OSBP2: variants seen among roughly 807,000 people sequenced by gnomAD.
The protein encoded by OSBP2 is oxysterol-binding protein 2.
OSBP2 carries 66 observed loss-of-function variants against 96.0 expected under a neutral mutation model. That is an observed-to-expected ratio of 0.69 (90% CI 0.56 to 0.84). The LOEUF (loss-of-function observed/expected upper bound fraction) is 0.84. Among genes scored for constraint, OSBP2 ranks in the 40% least tolerant of loss-of-function variants. The pLI, the probability that OSBP2 is intolerant of heterozygous loss-of-function variation, is 0.00. For synonymous variants in OSBP2, 525 were observed against 520.9 expected, an observed-to-expected ratio of 1.01 and a Z score of -0.11; for missense variants, 1,038 against 1,222.7, an observed-to-expected ratio of 0.85 and a Z score of 2.25.
chr22:30,885,934 C>T (rs1186241195), intron 3 of OSBP2, among the ~76,000 whole-genome samples: 3 of 152,190 alleles, frequency 2.0e-5, no homozygotes, highest in Non-Finnish European at 4.4e-5. Flanking sequence ...GCCAGGGTTC[C>T]CACATCCCCA....
chr22:30,898,908 AAAAC>A (rs1321009278), intron 12 of OSBP2, among the ~76,000 whole-genome samples: 1 of 151,250 alleles, frequency 6.6e-6, no homozygotes, highest in Non-Finnish European at 1.5e-5. Flanking sequence ...ATCAATTAAA[AAAAC>A]AAAGCCAAAA....
intron 2 of OSBP2, among the ~76,000 whole-genome samples, chr22:30,847,248 A>G (rs1282143580): frequency 6.7e-6 from 1 of 149,310 alleles, no homozygotes; most frequent in African/African-American, 2.5e-5. Context: ...AAAGTGCTGG[A>G]ATTACAGGCC....
chr22:30,709,338 T>G (rs1024144411), intron 1 of OSBP2, among the ~76,000 whole-genome samples: 3 of 152,140 alleles, frequency 2.0e-5, no homozygotes, highest in African/African-American at 7.2e-5. Context: ...TGGCATTTTC[T>G]TGGTGTAGGT....
At chr22:30,733,362 G>A (rs2089807731) in intron 1 of OSBP2, among the ~76,000 whole-genome samples, 1 of 152,190 alleles carries the variant, frequency 6.6e-6, no homozygotes, top group Admixed American at 6.5e-5. Flanking sequence ...GGACTTCTCT[G>A]GAAGGTTTGC....
intron 2 of OSBP2, among the ~76,000 whole-genome samples, chr22:30,786,545 A>C: frequency 6.6e-6 from 1 of 151,986 alleles, no homozygotes; most frequent in African/African-American, 2.4e-5. Context: ...CCCAGTTTTG[A>C]GGGTCGGGAA....
intron 2 of OSBP2, among the ~76,000 whole-genome samples, chr22:30,866,964 C>T (rs2039352675): frequency 6.6e-6 from 1 of 152,188 alleles, no homozygotes. Context: ...GGGTGAGGCC[C>T]ACCCCCTTGT....
Position 30,884,094 on chromosome 22 carries a change from C to G in OSBP2, c.1108-3332C>G, listed in dbSNP as rs5997799. On this transcript the variant is annotated intron_variant, in intron 3 of 13. Coordinates refer to ENST00000332585, the MANE Select transcript of OSBP2 (RefSeq NM_030758.4). ...TGTATGATGGACAGTGACTGCAGTC[C>G]CACACCCAAGGGACAGCCTTATAAG... 6.7e-3 allele frequency among the ~76,000 whole-genome samples: 1,021 copies of G among 152,272 alleles called. 3 individuals are homozygous for G. Among genetic ancestry groups the G allele is most frequent in the Middle Eastern group, 0.014 (4 of 294 alleles).
intron 2 of OSBP2, among the ~76,000 whole-genome samples, chr22:30,852,797 T>C (rs1475055824): frequency 1.3e-5 from 2 of 152,206 alleles, no homozygotes; most frequent in African/African-American, 4.8e-5. Context: ...GGCACTACCT[T>C]AGCTTCATTC....
chr22:30,888,096 C>T, intron 4 of OSBP2, 127 bp from the exon 5 acceptor site: 1 of 701,876 alleles, frequency 1.4e-6, no homozygotes, highest in Non-Finnish European at 2.6e-6. Flanking sequence ...TCAGGGCTGC[C>T]CAGGTGACTG....
chr22:30,840,823 T>TA (rs1242424497), intron 2 of OSBP2, among the ~76,000 whole-genome samples: 1 of 152,008 alleles, frequency 6.6e-6, no homozygotes, highest in Non-Finnish European at 1.5e-5. Flanking sequence ...TTTTTTTTTT[T>TA]AACAGCTTTC....
chr22:30,760,467 G>T (rs1234498584), intron 2 of OSBP2, among the ~76,000 whole-genome samples: 1 of 152,168 alleles, frequency 6.6e-6, no homozygotes, highest in East Asian at 1.9e-4. Flanking sequence ...TGGATTTCAT[G>T]CTAGGAGTGC....
chr22:30,693,997 A>C, upstream of OSBP2: 2 of 1,444,682 alleles, frequency 1.4e-6, no homozygotes, highest in South Asian at 2.6e-5. Context: ...GGAAAAAAAA[A>C]TTCGCTGATG....
intron 2 of OSBP2, among the ~76,000 whole-genome samples, chr22:30,808,945 C>T (rs1398548293): frequency 1.3e-5 from 2 of 151,970 alleles, no homozygotes; most frequent in African/African-American, 2.4e-5. Context: ...CAGAGCGAGA[C>T]TCCGTCTCAA....
intron 3 of OSBP2, among the ~76,000 whole-genome samples, chr22:30,885,339 C>A (rs1282137652): frequency 2.0e-5 from 3 of 152,126 alleles, no homozygotes; most frequent in Non-Finnish European, 2.9e-5. Flanking sequence ...AAGGGCAAAT[C>A]CAGAGGTTCC....
intron 2 of OSBP2, among the ~76,000 whole-genome samples, chr22:30,822,019 C>G (rs1275992956): frequency 6.6e-6 from 1 of 152,220 alleles, no homozygotes; most frequent in Non-Finnish European, 1.5e-5. Flanking sequence ...TAAGGGAGCC[C>G]AGCTCCCCGG....
upstream of OSBP2, among the ~76,000 whole-genome samples, chr22:30,694,630 T>A (rs368086078): frequency 0.012 from 4 of 336 alleles, no homozygotes; most frequent in Non-Finnish European, 0.022. Flanking sequence ...GCCATCCCCT[T>A]CGGAGTTGAC....
intron 2 of OSBP2, among the ~76,000 whole-genome samples, chr22:30,820,067 C>T (rs5994347): frequency 0.28 from 42,410 of 152,070 alleles, 6,150 homozygotes; most frequent in Middle Eastern, 0.41. Flanking sequence ...TGTTTCTGAA[C>T]GTTTCCCCAA....
chr22:30,859,922 T>C (rs923308943), intron 2 of OSBP2, among the ~76,000 whole-genome samples: 10 of 152,080 alleles, frequency 6.6e-5, no homozygotes, highest in Non-Finnish European at 2.9e-5. Flanking sequence ...CCAGGATGCC[T>C]GGCCGCCGCC....
chr22:30,738,636 T>G (rs2089890120), intron 1 of OSBP2, among the ~76,000 whole-genome samples: 1 of 151,942 alleles, frequency 6.6e-6, no homozygotes, highest in African/African-American at 2.4e-5. Flanking sequence ...TCTTGTCTCA[T>G]TGCAACCTCC....
Sources: gnomAD v4.1 joint callset for allele counts (sites outside exome capture counted in the v4.1 genomes callset) on GRCh38, gnomAD v4.1.1 for gene constraint, MANE v1.5 for transcripts, NCBI Gene and HGNC (gene_info 2026-07-23, HGNC 2026-07-21) for gene names.